ERC1: variants seen among roughly 807,000 people sequenced by gnomAD.
The protein encoded by ERC1 is RAB6 interacting protein 2.
A neutral mutation model predicts 132.0 loss-of-function variants in ERC1; 56 were observed. The observed-to-expected ratio is 0.42, with a 90% confidence interval of 0.34 to 0.53. The LOEUF (loss-of-function observed/expected upper bound fraction) is 0.53, where lower values mean the gene tolerates loss of function less well. ERC1 is among the 20% of genes least tolerant of loss of function. ERC1 has a pLI of 0.03. For synonymous variants in ERC1, 478 were observed against 476.1 expected (o/e 1.00, Z -0.05); for missense variants, 1,202 against 1,349.9 (o/e 0.89, Z 1.72).
At chr12:1,163,392 T>G (rs1028712611) in intron 8 of ERC1, among the ~76,000 whole-genome samples, 1 of 152,164 alleles carries the variant, frequency 6.6e-6, no homozygotes, top group African/African-American at 2.4e-5. Context: ...ATCCCTACAT[T>G]GTGATAATCT....
At chr12:1,301,853 A>G (rs1475738865) in intron 15 of ERC1, among the ~76,000 whole-genome samples, 1 of 152,220 alleles carries the variant, frequency 6.6e-6, no homozygotes, top group Non-Finnish European at 1.5e-5. Flanking sequence ...AATAGAATTT[A>G]TAATCAAAAA....
intron 8 of ERC1, among the ~76,000 whole-genome samples, chr12:1,155,650 G>C (rs959470566): frequency 7.2e-5 from 11 of 151,910 alleles, no homozygotes; most frequent in African/African-American, 2.7e-4. Flanking sequence ...CTAATTTTTT[G>C]TATTTTTAGT....
chr12:1,128,752 G>A (rs1948454007), intron 7 of ERC1, among the ~76,000 whole-genome samples: 1 of 151,680 alleles, frequency 6.6e-6, no homozygotes, highest in African/African-American at 2.4e-5. Context: ...AAAACGCGAG[G>A]AAAAAAACAA....
At position 1,035,853 on chromosome 12, in the gene ERC1, C is replaced by T. The variant is rs920281532; in HGVS notation, c.669+7281C>T. Among the ~76,000 whole-genome samples the T allele has an allele frequency of 4.0e-5, 6 of 151,548 alleles. No individual in the cohort carries two copies. The East Asian group carries it at 5.8e-4, about 15-fold the overall frequency. On this transcript the variant is annotated intron_variant, in intron 2 of 18. Transcript: ENST00000360905. ...AGGAGAATGGCGTGAACCCGAGAGG[C>T]GGAGCTTGCAGTGAGCTGAGATCGC...
chr12:1,472,219 C>A (rs1016046780), intron 18 of ERC1, among the ~76,000 whole-genome samples: 4 of 152,162 alleles, frequency 2.6e-5, no homozygotes, highest in South Asian at 4.1e-4. Context: ...TGTTTTATTT[C>A]TTTTAGGGCT....
At chr12:1,438,946 TAAAA>T (rs145056944) in intron 17 of ERC1, among the ~76,000 whole-genome samples, 2,743 of 144,708 alleles carry the variant, frequency 0.019, 104 homozygotes, top group African/African-American at 0.066. Flanking sequence ...TGTCTCAATT[TAAAA>T]AAAAATATAT....
intron 1 of ERC1, among the ~76,000 whole-genome samples, chr12:1,003,096 CAAAAA>C (rs59507923): frequency 2.3e-5 from 2 of 86,922 alleles, no homozygotes; most frequent in Non-Finnish European, 4.0e-5. Context: ...ATGAAAAATG[CAAAAA>C]AAAAAAAAAA....
chr12:1,230,004 CTTTTTTTT>C, intron 12 of ERC1, among the ~76,000 whole-genome samples: 1 of 107,778 alleles, frequency 9.3e-6, no homozygotes, highest in Admixed American at 9.9e-5. Context: ...CTTTTTGACT[CTTTTTTTT>C]TTTTTTTTTT....
Position 1,190,055 on chromosome 12 carries a change from A to G in ERC1, c.2351+3A>G. On this transcript the variant is annotated splice_donor_region_variant and intron_variant, in intron 12 of 18. Transcript: ENST00000360905. ...AAGAAGATAGCTGAGTTGGAAAGGTAAGAAAGTGAAGCTGATTGGGGCTTA... is the reference window on the plus strand; with the variant it reads ...AAGAAGATAGCTGAGTTGGAAAGGTGAGAAAGTGAAGCTGATTGGGGCTTA... 6.2e-7 allele frequency: 1 copy of G among 1,610,788 alleles called. No homozygotes were observed. The highest frequency in any genetic ancestry group is 8.5e-7 in the Non-Finnish European group (1 of 1,177,346).
Position 1,495,867 on chromosome 12 carries a change from G to C in ERC1, c.*5637G>C. On this transcript the variant is annotated 3_prime_UTR_variant, in exon 19 of 19. Transcript: ENST00000360905. ...CCTTGATAATTATTGTAAACACTTTGTTCATTTTTTCTTTTTTATTCACAA... is the reference window on the plus strand; with the variant it reads ...CCTTGATAATTATTGTAAACACTTTCTTCATTTTTTCTTTTTTATTCACAA... 2 of 194,584 alleles carry C rather than the reference G, an allele frequency of 1.0e-5. No homozygotes were observed. Among genetic ancestry groups the C allele is most frequent in the Admixed American group, 6.1e-5 (1 of 16,424 alleles). 12.1% of individuals were successfully genotyped at this position (194,584 alleles called of 1,614,324 possible). A position where few individuals can be genotyped will look rare whatever the true frequency, so the allele number is the denominator to read the frequency against.
intron 13 of ERC1, among the ~76,000 whole-genome samples, chr12:1,254,301 A>G (rs2076652226): frequency 6.6e-6 from 1 of 152,138 alleles, no homozygotes; most frequent in Admixed American, 6.5e-5. Flanking sequence ...GCAGAGTAAA[A>G]TAGCCAAGTT....
chr12:1,100,339 C>T (rs1452256682), intron 3 of ERC1, among the ~76,000 whole-genome samples: 5 of 152,084 alleles, frequency 3.3e-5, no homozygotes, highest in Admixed American at 3.3e-4. Flanking sequence ...GTAACAGGGC[C>T]GGATCATGTA....
intron 2 of ERC1, among the ~76,000 whole-genome samples, chr12:1,065,517 T>TGTGTGC (rs1185093924): frequency 6.6e-6 from 1 of 150,782 alleles, no homozygotes; most frequent in Non-Finnish European, 1.5e-5. Context: ...TGTGTGTGTG[T>TGTGTGC]GTGTTTGTAT....
At chr12:1,123,852 G>T (rs1364008810) in intron 7 of ERC1, among the ~76,000 whole-genome samples, 1 of 152,138 alleles carries the variant, frequency 6.6e-6, no homozygotes, top group Non-Finnish European at 1.5e-5. Flanking sequence ...AAAATGAGCT[G>T]GGCGTGGTGG....
chr12:1,357,166 T>C (rs527503808), intron 15 of ERC1, among the ~76,000 whole-genome samples: 5 of 152,198 alleles, frequency 3.3e-5, no homozygotes, highest in Non-Finnish European at 7.3e-5. Flanking sequence ...ATCCCAAAAT[T>C]AGATGTTCTA....
intron 16 of ERC1, among the ~76,000 whole-genome samples, chr12:1,389,108 G>C (rs1415431603): frequency 6.6e-6 from 1 of 152,204 alleles, no homozygotes; most frequent in Non-Finnish European, 1.5e-5. Flanking sequence ...CCACTGGCCA[G>C]TCAGATGTCT....
intron 15 of ERC1, among the ~76,000 whole-genome samples, chr12:1,300,209 A>G (rs924565505): frequency 1.3e-5 from 2 of 152,156 alleles, no homozygotes; most frequent in South Asian, 2.1e-4. Flanking sequence ...AAAACAAGCA[A>G]TGGGGGAAAG....
At chr12:1,362,315 T>C (rs192415186) in intron 15 of ERC1, among the ~76,000 whole-genome samples, 40 of 152,328 alleles carry the variant, frequency 2.6e-4, no homozygotes, top group African/African-American at 7.7e-4. Flanking sequence ...CCAGGTCTTA[T>C]GAGTTCTTCT....
intron 1 of ERC1, among the ~76,000 whole-genome samples, chr12:1,014,299 C>G (rs1299945100): frequency 1.3e-5 from 2 of 152,080 alleles, no homozygotes; most frequent in Non-Finnish European, 2.9e-5. Context: ...ACTCAGCCTC[C>G]TGAGTAGCTG....
Sources: allele counts gnomAD v4.1 joint callset (sites outside exome capture counted in the v4.1 genomes callset), GRCh38; gene constraint gnomAD v4.1.1; transcripts MANE v1.5; gene names NCBI Gene and HGNC (gene_info 2026-07-23, HGNC 2026-07-21).